Variants in KDM5A observed in about 807,000 individuals in gnomAD.
KDM5A encodes the protein lysine-specific demethylase 5A.
Under a neutral mutation model 193.5 loss-of-function variants are expected in KDM5A, and 42 were observed. The ratio of observed to expected loss-of-function variants is 0.22; its 90% CI spans 0.17 to 0.28. The LOEUF (loss-of-function observed/expected upper bound fraction) is 0.28, where lower values mean the gene tolerates loss of function less well. KDM5A is among the 10% of genes least tolerant of loss of function. KDM5A has a pLI of 1.00. For synonymous variants in KDM5A, 796 were observed against 718.1 expected (o/e 1.11, Z -1.73); for missense variants, 1,692 against 2,055.1 (o/e 0.82, Z 3.42).
At chr12:347,074 C>G (rs922338249) in intron 10 of KDM5A, among the ~76,000 whole-genome samples, 21 of 152,134 alleles carry the variant, frequency 1.4e-4, no homozygotes, top group African/African-American at 3.1e-4. Context: ...AAAGTCTCAG[C>G]ATACAAAATC....
chr12:369,896 T>C lies in KDM5A; in HGVS notation c.367-3792A>G, dbSNP rs148769370. 2.2e-3 allele frequency among the ~76,000 whole-genome samples: 339 copies of C among 152,312 alleles called. 2 individuals are homozygous for C. Among genetic ancestry groups the C allele is most frequent in the African/African-American group, 7.6e-3 (318 of 41,576 alleles). On this transcript the variant is annotated intron_variant, in intron 3 of 27. Transcript: ENST00000399788. ...TTATGATACACCTGCATGGATCCAG[T>C]CATGATGTCCCACCCAGTTCTGGTG...
At chr12:347,194 C>T (rs1057137891) in intron 10 of KDM5A, among the ~76,000 whole-genome samples, 4 of 152,084 alleles carry the variant, frequency 2.6e-5, no homozygotes, top group Non-Finnish European at 5.9e-5. Flanking sequence ...ACCTAGGAAT[C>T]CAACTTACAA....
intron 14 of KDM5A, among the ~76,000 whole-genome samples, chr12:327,572 G>C (rs989943478): frequency 2.6e-5 from 4 of 152,068 alleles, no homozygotes; most frequent in African/African-American, 9.7e-5. Flanking sequence ...GGCTGGTCAA[G>C]GTGGCGCATG....
At chr12:340,525 C>G (rs1943990467) in intron 10 of KDM5A, among the ~76,000 whole-genome samples, 1 of 151,896 alleles carries the variant, frequency 6.6e-6, no homozygotes, top group African/African-American at 2.4e-5. Context: ...GAAACCCTGT[C>G]TCTACTAAAA....
At chr12:374,238 G>C (rs1291538753) in intron 3 of KDM5A, among the ~76,000 whole-genome samples, 1 of 152,158 alleles carries the variant, frequency 6.6e-6, no homozygotes, top group Non-Finnish European at 1.5e-5. Context: ...GGGTCTCTAA[G>C]GACTTGCTTT....
chr12:387,496 G>A (rs1409101711), intron 1 of KDM5A, among the ~76,000 whole-genome samples: 1 of 152,116 alleles, frequency 6.6e-6, no homozygotes, highest in Non-Finnish European at 1.5e-5. Flanking sequence ...TAGAAAAAAG[G>A]GTTAAATGGA....
chr12:289,584 G>A (rs1943262843), intron 27 of KDM5A, among the ~76,000 whole-genome samples: 2 of 151,750 alleles, frequency 1.3e-5, no homozygotes, highest in African/African-American at 4.8e-5. Flanking sequence ...GCATAGTGGT[G>A]TGTGCCTGTA....
chr12:299,559 G>A (rs1054555942), intron 24 of KDM5A, among the ~76,000 whole-genome samples: 12 of 152,130 alleles, frequency 7.9e-5, no homozygotes, highest in Non-Finnish European at 1.6e-4. Context: ...ACTAAACATG[G>A]AAAGGAACAA....
chr12:370,576 G>T (rs759329642), intron 3 of KDM5A, among the ~76,000 whole-genome samples: 3 of 151,010 alleles, frequency 2.0e-5, no homozygotes, highest in Admixed American at 2.0e-4. Flanking sequence ...CCAAAAAGTA[G>T]TATCGCTCAA....
rs542060222 is a variant in KDM5A at position 387,929 on chromosome 12, G to C, written c.165+998C>G. ...TAATATTTTATCATTACTAATACTA[G>C]ACAAAACATAAAGCAAAATGCCTTT... is the stretch of plus-strand genomic sequence containing the variant. On this transcript the variant is annotated intron_variant, in intron 1 of 27. Transcript: ENST00000399788. 1.1e-4 allele frequency among the ~76,000 whole-genome samples: 16 copies of C among 152,188 alleles called. 1 individual carries two copies. The South Asian group carries it at 2.3e-3, about 22-fold the overall frequency.
At chr12:360,925 G>A (rs566058622) in intron 5 of KDM5A, among the ~76,000 whole-genome samples, 29 of 152,226 alleles carry the variant, frequency 1.9e-4, no homozygotes, top group Admixed American at 1.7e-3. Flanking sequence ...GAAGAGAAAG[G>A]TACACTTTGC....
intron 1 of KDM5A, among the ~76,000 whole-genome samples, chr12:387,436 C>A (rs1473919038): frequency 1.3e-5 from 2 of 151,946 alleles, no homozygotes; most frequent in Non-Finnish European, 2.9e-5. Flanking sequence ...AAAAATATGA[C>A]TTAGGAAAAC....
intron 10 of KDM5A, among the ~76,000 whole-genome samples, chr12:336,835 A>C (rs1367957581): frequency 1.5e-5 from 1 of 64,612 alleles, no homozygotes; most frequent in Non-Finnish European, 2.9e-5. Context: ...ACTCCATCTC[A>C]AAAAAAAAAA....
At chr12:320,560 A>C (rs1306346496) in intron 18 of KDM5A, among the ~76,000 whole-genome samples, 2 of 152,118 alleles carry the variant, frequency 1.3e-5, no homozygotes, top group African/African-American at 4.8e-5. Context: ...AAACACAAAA[A>C]CACCCCAAAC....
At chr12:348,699 AG>A (rs1355724264) in intron 10 of KDM5A, among the ~76,000 whole-genome samples, 3 of 151,924 alleles carry the variant, frequency 2.0e-5, no homozygotes, top group Non-Finnish European at 2.9e-5. Context: ...CTCATAGGTG[AG>A]AAGTGAACAA....
chr12:321,773 G>C (rs920909700), intron 17 of KDM5A, among the ~76,000 whole-genome samples: 6 of 152,044 alleles, frequency 3.9e-5, no homozygotes, highest in Middle Eastern at 6.8e-3. Flanking sequence ...ATCCATCAAG[G>C]TTACCCTTTG....
chr12:326,237 C>A (rs1462987853), intron 14 of KDM5A, among the ~76,000 whole-genome samples: 1 of 152,204 alleles, frequency 6.6e-6, no homozygotes, highest in Non-Finnish European at 1.5e-5. Flanking sequence ...TGGCTGGACA[C>A]AGCCTCTTTC....
chr12:290,307 T>G (rs894351679), intron 27 of KDM5A, among the ~76,000 whole-genome samples: 3 of 152,126 alleles, frequency 2.0e-5, no homozygotes, highest in African/African-American at 7.2e-5. Flanking sequence ...AAAACAGCAG[T>G]AACAGGCAAA....
rs1450869661 is a variant in KDM5A, at chr12:365,988, A to G, written c.483T>C (p.His161=). The change falls in exon 4 of 28, where the codon CAT becomes CAC. Residue 161 remains histidine (H), a synonymous_variant. Transcript: ENST00000399788. The part of the protein sequence containing the change: ...GKGTGSLLKS[H]YERILYPYEL... ...CATATGGGTAGAGAATTCTTTCATA[A>G]TGTGACTTCAAAAGAGACCCAGTTC... 6 of 1,613,962 alleles carry G rather than the reference A, an allele frequency of 3.7e-6. No homozygotes were observed. Among genetic ancestry groups the G allele is most frequent in the Non-Finnish European group, 5.1e-6 (6 of 1,179,928 alleles).
Sources: gnomAD v4.1 joint callset for allele counts (sites outside exome capture counted in the v4.1 genomes callset) on GRCh38, gnomAD v4.1.1 for gene constraint, MANE v1.5 for transcripts, NCBI Gene and HGNC (gene_info 2026-07-23, HGNC 2026-07-21) for gene names.